Variants in DPP10 observed in about 807,000 individuals in gnomAD.
DPP10 encodes dipeptidyl peptidase like 10.
In DPP10, 33 loss-of-function variants were observed where a neutral mutation model predicts 120.9. The observed-to-expected ratio is 0.27, with a 90% confidence interval of 0.21 to 0.37. The LOEUF is 0.37. Among genes scored for constraint, DPP10 ranks in the 10% least tolerant of loss-of-function variants. The probability of loss-of-function intolerance (pLI) is 1.00; values close to 1 mark genes in which losing one functional copy is unlikely to be tolerated. For synonymous variants in DPP10, 337 were observed against 326.1 expected (o/e 1.03, Z -0.36); for missense variants, 816 against 942.8 (o/e 0.87, Z 1.76).
intron 1 of DPP10, among the ~76,000 whole-genome samples, chr2:114,703,064 T>C (rs1319749447): frequency 7.2e-5 from 11 of 152,100 alleles, no homozygotes. Context: ...GAGGTTGTAG[T>C]GTGTCACCAA....
intron 3 of DPP10, among the ~76,000 whole-genome samples, chr2:115,407,888 T>A (rs2068644573): frequency 6.6e-6 from 1 of 150,940 alleles, no homozygotes; most frequent in South Asian, 2.1e-4. Context: ...AAAGTAGTCA[T>A]TTTTTTTCAA....
chr2:115,731,671 C>T (rs972908435), intron 8 of DPP10, among the ~76,000 whole-genome samples: 7 of 152,162 alleles, frequency 4.6e-5, no homozygotes, highest in African/African-American at 1.7e-4. Context: ...GTCTACTCTA[C>T]TTGTTATAGG....
Position 114,653,073 on chromosome 2 carries a change from G to A in DPP10, c.60+210235G>A, listed in dbSNP as rs139787794. 5.5e-3 allele frequency among the ~76,000 whole-genome samples: 767 copies of A among 138,512 alleles called. 13 individuals carry two copies. Among genetic ancestry groups the A allele is most frequent in the African/African-American group, 0.017 (517 of 30,422 alleles). 90.9% of individuals were successfully genotyped at this position (138,512 alleles called of 152,430 possible). On this transcript the variant is annotated intron_variant, in intron 1 of 25. Coordinates refer to ENST00000410059, the MANE Select transcript of DPP10 (RefSeq NM_020868.6). ...GTGTGTGTGTGTTTTACTACCTGTA[G>A]TAGTTTGAATGGTGACCTGGTGACC...
intron 5 of DPP10, among the ~76,000 whole-genome samples, chr2:115,613,730 T>C (rs1203125205): frequency 1.3e-5 from 2 of 152,248 alleles, no homozygotes; most frequent in African/African-American, 4.8e-5. Flanking sequence ...TCTCAGTTCA[T>C]GTTCCAGCAA....
intron 9 of DPP10, among the ~76,000 whole-genome samples, chr2:115,740,236 A>C (rs6750829): frequency 0.025 from 3,794 of 152,154 alleles, 161 homozygotes; most frequent in African/African-American, 0.085. Context: ...ATTCCATAAT[A>C]GGTGTTACAA....
At chr2:115,215,572 T>G (rs2105376574) in intron 1 of DPP10, among the ~76,000 whole-genome samples, 1 of 151,796 alleles carries the variant, frequency 6.6e-6, no homozygotes, top group South Asian at 2.1e-4. Context: ...GAATATGTAT[T>G]AATGCAACCC....
At chr2:114,909,775 A>C (rs1462596734) in intron 1 of DPP10, among the ~76,000 whole-genome samples, 1 of 152,078 alleles carries the variant, frequency 6.6e-6, no homozygotes, top group East Asian at 1.9e-4. Flanking sequence ...ATCTGGAAAG[A>C]ACAAACACAA....
intron 1 of DPP10, among the ~76,000 whole-genome samples, chr2:114,816,310 A>T (rs1209803582): frequency 6.6e-6 from 1 of 152,100 alleles, no homozygotes; most frequent in Non-Finnish European, 1.5e-5. Context: ...CAACTACTCA[A>T]CTCTGCCATC....
chr2:115,055,237 G>A (rs1705809439), intron 1 of DPP10, among the ~76,000 whole-genome samples: 1 of 152,088 alleles, frequency 6.6e-6, no homozygotes, highest in Admixed American at 6.5e-5. Flanking sequence ...TGAAAACTGT[G>A]TTTTCCATCA....
intron 19 of DPP10, among the ~76,000 whole-genome samples, chr2:115,805,649 A>G (rs946741888): frequency 6.8e-6 from 1 of 147,920 alleles, no homozygotes; most frequent in Non-Finnish European, 1.5e-5. Flanking sequence ...ATCTTGGCTC[A>G]CTGCAACCTC....
At chr2:115,592,594 A>C (rs867980192) in intron 5 of DPP10, among the ~76,000 whole-genome samples, 1 of 151,760 alleles carries the variant, frequency 6.6e-6, no homozygotes, top group Non-Finnish European at 1.5e-5. Flanking sequence ...AAAAACAAAA[A>C]AAAAAACAAA....
intron 1 of DPP10, among the ~76,000 whole-genome samples, chr2:115,211,438 C>T (rs1317379213): frequency 1.3e-5 from 2 of 152,058 alleles, no homozygotes; most frequent in African/African-American, 4.8e-5. Context: ...CTTACCAGTC[C>T]TACAAGTTTT....
At chr2:115,250,894 C>G (rs920989202) in intron 1 of DPP10, among the ~76,000 whole-genome samples, 1 of 152,126 alleles carries the variant, frequency 6.6e-6, no homozygotes, top group Non-Finnish European at 1.5e-5. Flanking sequence ...GCATATATGT[C>G]CACACCATGA....
chr2:115,638,468 T>C (rs1482584327), intron 5 of DPP10, among the ~76,000 whole-genome samples: 1 of 152,210 alleles, frequency 6.6e-6, no homozygotes, highest in African/African-American at 2.4e-5. Flanking sequence ...CCAGAAGCCT[T>C]CAGGAAAGAG....
chr2:114,547,028 A>T (rs534175312), intron 1 of DPP10, among the ~76,000 whole-genome samples: 165 of 152,344 alleles, frequency 1.1e-3, no homozygotes, highest in Middle Eastern at 3.4e-3. Context: ...AGAGTCAGAT[A>T]CATTTTAAAT....
At chr2:115,760,081 G>C (rs1679930988) in intron 11 of DPP10, among the ~76,000 whole-genome samples, 1 of 151,664 alleles carries the variant, frequency 6.6e-6, no homozygotes, top group Non-Finnish European at 1.5e-5. Flanking sequence ...ATTTGCACAA[G>C]AAATGAAAAC....
intron 2 of DPP10, among the ~76,000 whole-genome samples, chr2:115,326,980 A>G (rs1054358226): frequency 4.6e-5 from 7 of 152,090 alleles, no homozygotes; most frequent in Admixed American, 4.6e-4. Flanking sequence ...AGGCATTCAT[A>G]TTCACTCACC....
At chr2:114,831,717 T>G (rs1344119683) in intron 1 of DPP10, among the ~76,000 whole-genome samples, 1 of 152,042 alleles carries the variant, frequency 6.6e-6, no homozygotes, top group African/African-American at 2.4e-5. Context: ...CAATTGGAGA[T>G]TAAGTTGCAG....
intron 1 of DPP10, among the ~76,000 whole-genome samples, chr2:114,596,516 C>T (rs1573751754): frequency 6.6e-6 from 1 of 152,208 alleles, no homozygotes; most frequent in Non-Finnish European, 1.5e-5. Context: ...AAGATAAATG[C>T]ATAGATGTCT....
Sources: allele counts gnomAD v4.1 joint callset (sites outside exome capture counted in the v4.1 genomes callset), GRCh38; gene constraint gnomAD v4.1.1; transcripts MANE v1.5; gene names NCBI Gene and HGNC (gene_info 2026-07-23, HGNC 2026-07-21).